Variants in EFCAB9 observed in about 807,000 individuals in gnomAD.
EFCAB9 encodes EF-hand calcium-binding domain-containing protein 9.
EFCAB9 carries 16 observed loss-of-function variants against 15.6 expected under a neutral mutation model. That is an observed-to-expected ratio of 1.03 (90% CI 0.69 to 1.56). EFCAB9 has a LOEUF of 1.56. Ranked by LOEUF, EFCAB9 falls within the 40% of genes most tolerant of loss-of-function variation. The pLI is 0.00. For synonymous variants in EFCAB9, 76 were observed against 85.4 expected (o/e 0.89, Z 0.61); for missense variants, 208 against 235.4 (o/e 0.88, Z 0.76).
chr5:172,201,729 C>T (rs1008938069), intron 3 of EFCAB9, among the ~76,000 whole-genome samples: 3 of 152,136 alleles, frequency 2.0e-5, no homozygotes, highest in Admixed American at 6.6e-5. Context: ...ATCCTAAAGG[C>T]TGAGCACTGT....
chr5:172,199,596 G>A (rs1312348827), intron 2 of EFCAB9, 65 bp downstream of exon 2: 2 of 1,507,114 alleles, frequency 1.3e-6, no homozygotes, highest in African/African-American at 1.4e-5. Flanking sequence ...GAATGCATCA[G>A]AAGTTTTCCT....
chr5:172,202,757 T>G (rs2113862802), intron 3 of EFCAB9, among the ~76,000 whole-genome samples: 1 of 150,340 alleles, frequency 6.7e-6, no homozygotes, highest in African/African-American at 2.4e-5. Context: ...ATCCCAGCAC[T>G]TTGGGAGGCC....
chr5:172,195,177 T>TAAAA (rs1467539224), intron 1 of EFCAB9, among the ~76,000 whole-genome samples: 1 of 145,488 alleles, frequency 6.9e-6, no homozygotes, highest in Admixed American at 6.8e-5. Flanking sequence ...AATAAATAAA[T>TAAAA]AAATAAAAAT....
chr5:172,203,200 CA>C lies in EFCAB9; in HGVS notation c.463-13del, dbSNP rs67881768. ...CCTGAAATAATTTTTCTTTCCCCCC[CA>C]CCCTAACCAAAGCGTCTTAATTATC... On this transcript the variant is annotated splice_polypyrimidine_tract_variant and intron_variant, in intron 3 of 3. Transcript: ENST00000398186. The C allele has an allele frequency of 1.6e-3, 1,900 of 1,204,412 alleles. 6 individuals are homozygous for C. Among genetic ancestry groups the C allele is most frequent in the Admixed American group, 2.8e-3 (93 of 33,302 alleles). 74.6% of individuals were successfully genotyped at this position (1,204,412 alleles called of 1,614,324 possible).
intron 2 of EFCAB9, 123 bp downstream of exon 2, chr5:172,199,654 T>C: frequency 7.2e-7 from 1 of 1,382,998 alleles, no homozygotes; most frequent in Non-Finnish European, 9.6e-7. Flanking sequence ...GGAAAATGAG[T>C]TTTGGTTCCC....
chr5:172,201,048 C>T (rs552633542), intron 3 of EFCAB9, among the ~76,000 whole-genome samples: 1 of 151,712 alleles, frequency 6.6e-6, no homozygotes, highest in Admixed American at 6.6e-5. Flanking sequence ...GCCTGGCTAA[C>T]ATTGTGAAAC....
chr5:172,196,108 G>A (rs1446013026), intron 1 of EFCAB9, among the ~76,000 whole-genome samples: 2 of 152,144 alleles, frequency 1.3e-5, no homozygotes, highest in Admixed American at 1.3e-4. Flanking sequence ...TTACAGGCGT[G>A]AGCTATCACA....
rs921026316 is a variant in EFCAB9 at position 172,199,465 on chromosome 5, G to C, written c.219G>C (p.Trp73Cys). 6.5e-7 allele frequency: 1 copy of C among 1,537,334 alleles called. No individual in the cohort carries two copies. The highest frequency in any genetic ancestry group is 8.7e-7 in the Non-Finnish European group (1 of 1,146,922). ...QINIVFDMLD[W>C]NAVGEIDFEK... ...ACATTGTGTTTGACATGCTGGACTG[G>C]AACGCTGTGGGCGAGATCGACTTTG... Residue 73 changes from tryptophan (W) to cysteine (C), a missense_variant, in exon 2 of 4, where the codon TGG (tryptophan) becomes TGC (cysteine). Coordinates refer to ENST00000398186, the MANE Select transcript of EFCAB9 (RefSeq NM_001171183.2).
At chr5:172,203,145 C>A in intron 3 of EFCAB9, 69 bp from the exon 4 acceptor site, 1 of 1,353,474 alleles carries the variant, frequency 7.4e-7, no homozygotes, top group South Asian at 1.4e-5. Flanking sequence ...GAATATAATC[C>A]TATCATCTGA....
At position 172,203,208 on chromosome 5, in the gene EFCAB9, C is replaced by A. The variant is rs1771287568; in HGVS notation, c.463-6C>A. ...AATTTTTCTTTCCCCCCCACCCTAACCAAAGCGTCTTAATTATCAGGAATT... is the reference window on the plus strand; with the variant it reads ...AATTTTTCTTTCCCCCCCACCCTAAACAAAGCGTCTTAATTATCAGGAATT... On this transcript the variant is annotated splice_polypyrimidine_tract_variant and splice_region_variant and intron_variant, in intron 3 of 3. Transcript: ENST00000398186. The A allele has an allele frequency of 2.0e-6, 3 of 1,505,626 alleles. No individual in the cohort carries two copies. Among genetic ancestry groups the A allele is most frequent in the African/African-American group, 1.4e-5 (1 of 71,148 alleles). The allele number at this position is 1,505,626 out of a possible 1,614,324, so 93.3% of individuals were successfully genotyped here.
intron 3 of EFCAB9, among the ~76,000 whole-genome samples, chr5:172,201,818 G>A (rs550788077): frequency 1.3e-5 from 2 of 152,182 alleles, no homozygotes; most frequent in African/African-American, 2.4e-5. Context: ...AGGCCAGCCC[G>A]GGCAACATAG....
In EFCAB9 at chr5:172,194,227, T is replaced by G; in HGVS notation, c.55T>G (p.Cys19Gly). Residue 19 changes from cysteine to glycine, a missense_variant, in exon 1 of 4, where the codon TGC becomes GGC. Cys to Gly is a radical substitution (Grantham distance 159, BLOSUM62 -3). Transcript: ENST00000398186. ...LWYLYLDKIY[C>G]LLSVRNVKAL... ...GTACCTCTATCTGGACAAAATATAC[T>G]GCTTATTATCCGTGAGAAACGTGAA... 4 of 1,537,784 alleles carry G rather than the reference T, an allele frequency of 2.6e-6. No homozygotes were observed. Among genetic ancestry groups the G allele is most frequent in the Non-Finnish European group, 3.5e-6 (4 of 1,147,032 alleles).
chr5:172,200,610 C>T lies in EFCAB9; in HGVS notation c.330C>T (p.Val110=), dbSNP rs1771241968. Residue 110 remains valine (V), a synonymous_variant, in exon 3 of 4, where the codon GTC becomes GTT. Coordinates refer to ENST00000398186, the MANE Select transcript of EFCAB9 (RefSeq NM_001171183.2). ...TTATGTATCGTCATTCCCGGCCTGT[C>T]TTTGACCTGCTTGACCTGAAAGGGG... ...GQFMYRHSRP[V]FDLLDLKGDL... 6.5e-7 allele frequency: 1 copy of T among 1,537,140 alleles called. No individual in the cohort carries two copies. The highest frequency in any genetic ancestry group is 1.4e-5 in the African/African-American group (1 of 73,022).
rs1194525440 is a variant in EFCAB9 at position 172,203,259 on chromosome 5, G to T, written c.508G>T (p.Asp170Tyr). Residue 170 changes from aspartate (D) to tyrosine (Y), a missense_variant, in exon 4 of 4, where the codon GAC becomes TAC. Asp to Tyr is a radical substitution (Grantham distance 160). Transcript: ENST00000398186. Reference sequence around the variant, plus strand: ...TAAGCTGTATACAATCATCTACACTGACAAATTACAGAAGAGGCAGAAAAC... The same window carrying T: ...TAAGCTGTATACAATCATCTACACTTACAAATTACAGAAGAGGCAGAAAAC... ...EFKLYTIIYTDKLQKRQKTEE... is the reference protein window; with the variant it reads ...EFKLYTIIYTYKLQKRQKTEE... 2 of 1,536,194 alleles carry T rather than the reference G, an allele frequency of 1.3e-6. No individual in the cohort carries two copies. The highest frequency in any genetic ancestry group is 1.2e-5 in the South Asian group (1 of 83,990).
At chr5:172,200,838 G>A (rs1771245340) in intron 3 of EFCAB9, 96 bp downstream of exon 3, 2 of 1,270,940 alleles carry the variant, frequency 1.6e-6, no homozygotes, top group Non-Finnish European at 2.1e-6. Flanking sequence ...GGGAGAGGAG[G>A]AGGGAGGGAA....
intron 1 of EFCAB9, among the ~76,000 whole-genome samples, chr5:172,197,232 C>T (rs1432279884): frequency 2.6e-5 from 4 of 152,052 alleles, no homozygotes; most frequent in African/African-American, 4.8e-5. Context: ...CTCAGCCTCC[C>T]GAGTAGCTGG....
chr5:172,203,258 T>C lies in EFCAB9; in HGVS notation c.507T>C (p.Thr169=), dbSNP rs1049621225. 5 of 1,536,134 alleles carry C rather than the reference T, an allele frequency of 3.3e-6. No homozygotes were observed. Among genetic ancestry groups the C allele is most frequent in the Non-Finnish European group, 4.4e-6 (5 of 1,146,550 alleles). The part of the protein sequence containing the change: ...QEFKLYTIIY[T]DKLQKRQKTE... Reference sequence around the variant, plus strand: ...TTAAGCTGTATACAATCATCTACACTGACAAATTACAGAAGAGGCAGAAAA... The same window carrying C: ...TTAAGCTGTATACAATCATCTACACCGACAAATTACAGAAGAGGCAGAAAA... The change falls in exon 4 of 4, where the codon ACT becomes ACC. Residue 169 remains threonine (T), a synonymous_variant. Transcript: ENST00000398186.
intron 1 of EFCAB9, among the ~76,000 whole-genome samples, chr5:172,194,859 C>T (rs1196539593): frequency 6.6e-6 from 1 of 152,046 alleles, no homozygotes; most frequent in East Asian, 1.9e-4. Context: ...CACGTCATCG[C>T]CCTCTCTAAG....
In EFCAB9 at chr5:172,194,280, G is replaced by T. The variant is rs201630030; in HGVS notation, c.108G>T (p.Leu36=). 1 of 1,537,866 alleles carries T rather than the reference G, an allele frequency of 6.5e-7. No individual in the cohort carries two copies. The highest frequency in any genetic ancestry group is 1.4e-5 in the African/African-American group (1 of 73,154). Residue 36 remains leucine, a synonymous_variant, in exon 1 of 4, where the codon CTG becomes CTT. Transcript: ENST00000398186. ...CTTTGGCAGAATATTTTCATATTCTGGACGTGCACGGCAAGAACACCTTGA... is the reference window on the plus strand; with the variant it reads ...CTTTGGCAGAATATTTTCATATTCTTGACGTGCACGGCAAGAACACCTTGA... ...VKALAEYFHI[L]DVHGKNTLND...
Sources: gnomAD v4.1 joint callset for allele counts (sites outside exome capture counted in the v4.1 genomes callset) on GRCh38, gnomAD v4.1.1 for gene constraint, MANE v1.5 for transcripts, NCBI Gene and HGNC (gene_info 2026-07-23, HGNC 2026-07-21) for gene names.